EXOSC4: variants seen among roughly 807,000 people sequenced by gnomAD.
EXOSC4 encodes exosome component 4, also known as exosome complex component RRP41.
Under a neutral mutation model 20.0 loss-of-function variants are expected in EXOSC4, and 14 were observed. The ratio of observed to expected loss-of-function variants is 0.70; its 90% CI spans 0.46 to 1.09. The LOEUF is 1.09. EXOSC4 is among the 50% of genes least tolerant of loss of function. The probability of loss-of-function intolerance (pLI) is 0.00; values close to 1 mark genes in which losing one functional copy is unlikely to be tolerated. For missense variants in EXOSC4, 337 were observed against 334.0 expected, an observed-to-expected ratio of 1.01 and a Z score of -0.07; for synonymous variants, 148 against 146.4, an observed-to-expected ratio of 1.01 and a Z score of -0.08.
In EXOSC4 at chr8:144,078,840, T is replaced by G; in HGVS notation, c.112T>G (p.Ser38Ala). 6.3e-7 allele frequency: 1 copy of G among 1,579,248 alleles called. No individual in the cohort carries two copies. Among genetic ancestry groups the G allele is most frequent in the Non-Finnish European group, 8.6e-7 (1 of 1,165,456 alleles). ...GGGCGTGTTCGCGCAGGCTGACGGC[T>G]CGGCCTACATTGAGCAGGGCAACAC... ...RMGVFAQADG[S>A]AYIEQGNTKA... is the part of the protein sequence containing the mutation. The change falls in exon 1 of 3, where the codon TCG becomes GCG. Residue 38 changes from serine (S) to alanine (A), a missense_variant. Physicochemically the swap from Ser to Ala is moderately conservative, Grantham distance 99. Coordinates refer to ENST00000316052, the MANE Select transcript of EXOSC4 (RefSeq NM_019037.3). This position sits in a 1 kb window ranked among gnomAD's most constrained non-coding sequence, Gnocchi z 4.7.
upstream of EXOSC4, chr8:144,077,897 TTAGGATGGCTGCAGCCCCAGC>T (rs1361614325): frequency 6.6e-6 from 1 of 152,084 alleles, no homozygotes; most frequent in Non-Finnish European, 1.5e-5. Flanking sequence ...GGAGAAAGCT[TTAGGATGGCTGCAGCCCCAGC>T]TACCATCTGG....
upstream of EXOSC4, among the ~76,000 whole-genome samples, chr8:144,074,972 C>T (rs1835823618): frequency 6.6e-6 from 1 of 152,196 alleles, no homozygotes. Context: ...CCCAAAGGAG[C>T]TTTTACCTGA....
Position 144,080,065 on chromosome 8 carries a change from G to A in EXOSC4, c.294G>A (p.Glu98=). The A allele has an allele frequency of 6.2e-7, 1 of 1,614,110 alleles. No homozygotes were observed. Among genetic ancestry groups the A allele is most frequent in the Non-Finnish European group, 8.5e-7 (1 of 1,180,040 alleles). Residue 98 remains glutamate, a synonymous_variant, in exon 2 of 3, where the codon GAG becomes GAA. Coordinates refer to ENST00000316052, the MANE Select transcript of EXOSC4 (RefSeq NM_019037.3). This position sits in a 1 kb window ranked among gnomAD's most constrained non-coding sequence, Gnocchi z 4.9. ...CACATGGGGACCGTAAGTCCTGTGA[G>A]ATGGGCCTGCAGCTCCGCCAGACTT... ...RRPHGDRKSC[E]MGLQLRQTFE...
At chr8:144,077,004 G>C (rs1835841538), upstream of EXOSC4, among the ~76,000 whole-genome samples, 1 of 151,962 alleles carries the variant, frequency 6.6e-6, no homozygotes, top group Non-Finnish European at 1.5e-5. Context: ...CCAGGAGGTG[G>C]AGGTTGCAGT....
At chr8:144,075,467 CTG>C (rs1835828503), upstream of EXOSC4, among the ~76,000 whole-genome samples, 2 of 152,168 alleles carry the variant, frequency 1.3e-5, no homozygotes, top group African/African-American at 4.8e-5. Flanking sequence ...ACCTCGTGAT[CTG>C]CCCGCCTCGG....
At position 144,079,856 on chromosome 8, in the gene EXOSC4, A is replaced by C. The variant is rs781945466; in HGVS notation, c.172-87A>C. ...GCAGTTGCCCCTTGCTGAGGCATTGAAAGTGGAGGGAGAGGCAGACCCACA... is the reference window on the plus strand; with the variant it reads ...GCAGTTGCCCCTTGCTGAGGCATTGCAAGTGGAGGGAGAGGCAGACCCACA... On this transcript the variant is annotated intron_variant, in intron 1 of 2. Coordinates refer to ENST00000316052, the MANE Select transcript of EXOSC4 (RefSeq NM_019037.3). 5 of 1,307,814 alleles carry C rather than the reference A, an allele frequency of 3.8e-6. No homozygotes were observed. The Admixed American group carries it at 6.7e-5, about 18-fold the overall frequency. 81.0% of individuals were successfully genotyped at this position (1,307,814 alleles called of 1,614,324 possible).
the EXOSC4 span, among the ~76,000 whole-genome samples, chr8:144,068,196 T>C: frequency 4.6e-5 from 7 of 152,104 alleles, no homozygotes; most frequent in African/African-American, 1.7e-4. Flanking sequence ...TATTCATGAC[T>C]CCTCTTATAG....
At chr8:144,068,281 T>A in the EXOSC4 span, among the ~76,000 whole-genome samples, 1 of 152,214 alleles carries the variant, frequency 6.6e-6, no homozygotes, top group Admixed American at 6.5e-5. Context: ...ATGAAGTGTC[T>A]GTTTTTGACT....
chr8:144,072,609 C>G, the EXOSC4 span, among the ~76,000 whole-genome samples: 1 of 152,188 alleles, frequency 6.6e-6, no homozygotes, highest in African/African-American at 2.4e-5. Context: ...TGTCTACCTC[C>G]GCAAGATCAA....
chr8:144,078,682 C>A lies in EXOSC4; in HGVS notation c.-47C>A. 7.4e-7 allele frequency: 1 copy of A among 1,350,260 alleles called. No individual in the cohort carries two copies. Among genetic ancestry groups the A allele is most frequent in the Admixed American group, 4.0e-5 (1 of 25,238 alleles). 83.6% of individuals were successfully genotyped at this position (1,350,260 alleles called of 1,614,324 possible). On this transcript the variant is annotated 5_prime_UTR_variant, in exon 1 of 3. Transcript: ENST00000316052. This position sits in a 1 kb window ranked among gnomAD's most constrained non-coding sequence, Gnocchi z 4.7. ...GAGCCGCCGGGAGCTGTAGTTCTCC[C>A]GCGGCTCAGAGAAGTAGGCAGAGAG...
At position 144,080,481 on chromosome 8, in the gene EXOSC4, C is replaced by T. The variant is rs145828514; in HGVS notation, c.618C>T (p.His206=). 3.9e-5 allele frequency: 62 copies of T among 1,607,674 alleles called. 1 individual carries two copies. Among genetic ancestry groups the T allele is most frequent in the Non-Finnish European group, 4.8e-5 (57 of 1,180,006 alleles). Residue 206 remains histidine (H), a synonymous_variant, in exon 3 of 3, where the codon CAC becomes CAT. Transcript: ENST00000316052. This position sits in a 1 kb window ranked among gnomAD's most constrained non-coding sequence, Gnocchi z 4.9. ...TGCTTGAGATGGATGCCCGGCTGCA[C>T]GAGGACCACCTGGAGCGGGTGTTGG... ...IALLEMDARL[H]EDHLERVLEA...
In EXOSC4 at chr8:144,080,208, AG is replaced by A. The variant is rs1366587341; in HGVS notation, c.379-33del. On this transcript the variant is annotated intron_variant, in intron 2 of 2. Coordinates refer to ENST00000316052, the MANE Select transcript of EXOSC4 (RefSeq NM_019037.3). The surrounding 1 kb of genome is among the most constrained non-coding windows in gnomAD (Gnocchi z 4.9). ...AAGGGTGTGATGGGGTTGGGGAGGG[AG>A]TCTGATAGACTGACACCCTGGGTTC... is the stretch of plus-strand genomic sequence containing the variant. 1.2e-6 allele frequency: 2 copies of A among 1,608,858 alleles called. No individual in the cohort carries two copies. Among genetic ancestry groups the A allele is most frequent in the African/African-American group, 2.7e-5 (2 of 74,818 alleles).
upstream of EXOSC4, chr8:144,078,624 G>A (rs576410912): frequency 4.8e-6 from 6 of 1,241,430 alleles, no homozygotes; most frequent in African/African-American, 4.8e-5. This position sits in a 1 kb window ranked among gnomAD's most constrained non-coding sequence, Gnocchi z 4.7. Context: ...AAGTGATGGC[G>A]GACCTCCGGA....
the EXOSC4 span, among the ~76,000 whole-genome samples, chr8:144,071,097 A>G: frequency 1.3e-5 from 2 of 151,912 alleles, no homozygotes; most frequent in East Asian, 3.9e-4. Context: ...CAAAATCACA[A>G]GGGCCATCGG....
chr8:144,075,518 G>T (rs1288081775), upstream of EXOSC4, among the ~76,000 whole-genome samples: 2 of 152,044 alleles, frequency 1.3e-5, no homozygotes, highest in Admixed American at 6.6e-5. Flanking sequence ...GAGCCACCGC[G>T]CCCGGCCCAT....
chr8:144,078,842 G>T lies in EXOSC4; in HGVS notation c.114G>T (p.Ser38=), dbSNP rs143107280. Residue 38 remains serine, a synonymous_variant, in exon 1 of 3, where the codon TCG becomes TCT. Transcript: ENST00000316052. This position sits in a 1 kb window ranked among gnomAD's most constrained non-coding sequence, Gnocchi z 4.7. The part of the protein sequence containing the change: ...RMGVFAQADG[S]AYIEQGNTKA... ...GCGTGTTCGCGCAGGCTGACGGCTC[G>T]GCCTACATTGAGCAGGGCAACACCA... is the stretch of plus-strand genomic sequence containing the variant. 3,586 of 1,578,806 alleles carry T rather than the reference G, an allele frequency of 2.3e-3. 8 individuals carry two copies. Among genetic ancestry groups the T allele is most frequent in the Non-Finnish European group, 2.7e-3 (3,152 of 1,165,310 alleles).
intron 1 of EXOSC4, 112 bp from the exon 2 acceptor site, chr8:144,079,831 G>A (rs782110709): frequency 2.4e-5 from 24 of 1,012,774 alleles, no homozygotes; most frequent in Non-Finnish European, 3.6e-5. Flanking sequence ...TGGAGGTAAC[G>A]CAGTTGCCCC....
At chr8:144,068,528 C>T in the EXOSC4 span, among the ~76,000 whole-genome samples, 1 of 152,200 alleles carries the variant, frequency 6.6e-6, no homozygotes, top group African/African-American at 2.4e-5. Context: ...GGAAGTGACG[C>T]TCTGTGTTCT....
upstream of EXOSC4, among the ~76,000 whole-genome samples, chr8:144,076,776 C>A (rs149884701): frequency 6.6e-6 from 1 of 152,172 alleles, no homozygotes; most frequent in Admixed American, 6.5e-5. Context: ...TTCCCGCATG[C>A]GGCAAGGACT....
Sources: gnomAD v4.1 joint callset for allele counts (sites outside exome capture counted in the v4.1 genomes callset) on GRCh38, gnomAD v4.1.1 for gene constraint, Gnocchi (gnomAD v3.1) non-coding constraint, MANE v1.5 for transcripts, NCBI Gene and HGNC (gene_info 2026-07-23, HGNC 2026-07-21) for gene names.